TPTE2: variants seen among roughly 807,000 people sequenced by gnomAD.
TPTE2 encodes transmembrane phosphoinositide 3-phosphatase and tensin homolog 2, also known as phosphatidylinositol 3,4,5-trisphosphate 3-phosphatase TPTE2.
Under a neutral mutation model 78.6 loss-of-function variants are expected in TPTE2, and 53 were observed. The ratio of observed to expected loss-of-function variants is 0.67; its 90% CI spans 0.54 to 0.85. The LOEUF is 0.85. Among genes scored for constraint, TPTE2 ranks in the 40% least tolerant of loss-of-function variants. TPTE2 has a pLI of 0.00. For missense variants in TPTE2, 461 were observed against 623.0 expected (o/e 0.74, Z 2.77); for synonymous variants, 175 against 206.2 (o/e 0.85, Z 1.30).
chr13:19,444,133 C>T (rs1877674513), intron 13 of TPTE2, among the ~76,000 whole-genome samples: 1 of 150,744 alleles, frequency 6.6e-6, no homozygotes, highest in African/African-American at 2.4e-5. Context: ...AGCGAAACCC[C>T]ATCTCTACAA....
At chr13:19,491,498 T>C (rs1880985577) in intron 3 of TPTE2, among the ~76,000 whole-genome samples, 1 of 152,166 alleles carries the variant, frequency 6.6e-6, no homozygotes, top group Non-Finnish European at 1.5e-5. Flanking sequence ...AGAGATTAAT[T>C]AAATTTATAT....
At chr13:19,539,108 T>G (rs986293506), upstream of TPTE2, among the ~76,000 whole-genome samples, 2 of 152,174 alleles carry the variant, frequency 1.3e-5, no homozygotes, top group African/African-American at 4.8e-5. Flanking sequence ...TTAATCCATG[T>G]GTGGATTAAT....
intron 18 of TPTE2, 140 bp downstream of exon 21, chr13:19,426,285 T>C (rs779439925): frequency 1.5e-5 from 10 of 652,666 alleles, no homozygotes; most frequent in Non-Finnish European, 1.9e-5. Flanking sequence ...TACGCTCTTT[T>C]AAAAAAATTT....
At chr13:19,509,407 T>C (rs896303200) in intron 1 of TPTE2, among the ~76,000 whole-genome samples, 1 of 152,110 alleles carries the variant, frequency 6.6e-6, no homozygotes, top group Non-Finnish European at 1.5e-5. Context: ...ACAGAGTGAA[T>C]ATCCAAATAC....
At chr13:19,476,390 G>A (rs1219437358) in intron 4 of TPTE2, among the ~76,000 whole-genome samples, 2 of 150,330 alleles carry the variant, frequency 1.3e-5, no homozygotes, top group Non-Finnish European at 3.0e-5. Context: ...ACTTCAGTAG[G>A]AGAAGTCTTC....
chr13:19,483,588 T>A lies in TPTE2; in HGVS notation c.120-1041A>T, dbSNP rs147385463. 3.6e-3 allele frequency among the ~76,000 whole-genome samples: 542 copies of A among 152,292 alleles called. 1 individual carries two copies. The highest frequency in any genetic ancestry group is 6.7e-3 in the Non-Finnish European group (454 of 68,014). The stretch of plus-strand genomic sequence containing the variant: ...GTTTGTTGATATTTTTTAAACCTGC[T>A]TTTTGTTGTTAACCTTTTGTAATTT... On this transcript the variant is annotated intron_variant, in intron 3 of 19. Transcript: ENST00000400230.
exon 13 of TPTE2, chr13:19,450,090 C>T (rs754742341): frequency 1.6e-5 from 26 of 1,611,198 alleles, no homozygotes; most frequent in Non-Finnish European, 4.2e-6. Context: ...GCCTCCTTTA[C>T]AGTGAATCGC....
In TPTE2 at chr13:19,430,557, C is replaced by A. The variant is rs1388097385; in HGVS notation, c.1223-10G>T. 3 of 1,600,612 alleles carry A rather than the reference C, an allele frequency of 1.9e-6. No homozygotes were observed. Among genetic ancestry groups the A allele is most frequent in the Non-Finnish European group, 1.7e-6 (2 of 1,173,832 alleles). ...AGATCACATACATCACCTGTTCCAACAAAATGAAATTAAAAAGTTAGGTTG... is the reference window on the plus strand; with the variant it reads ...AGATCACATACATCACCTGTTCCAAAAAAATGAAATTAAAAAGTTAGGTTG... On this transcript the variant is annotated splice_polypyrimidine_tract_variant and intron_variant, in intron 16 of 19. Coordinates refer to ENST00000400230, the Ensembl canonical transcript of TPTE2.
At chr13:19,465,625 T>A in intron 7 of TPTE2, 61 bp from the exon 11 acceptor site, 1 of 1,376,758 alleles carries the variant, frequency 7.3e-7, no homozygotes, top group Non-Finnish European at 9.9e-7. Context: ...CAATATAAAC[T>A]ATGTCTAGAG....
Position 19,465,293 on chromosome 13 carries a change from G to T in TPTE2, c.638C>A (p.Thr213Lys), listed in dbSNP as rs748366957. ...GAGGTCTAGGTCAAATCCATCCCTT[G>T]TGTATCGCCTTTTGTTTTCTGAAAC... Residue 213 changes from threonine (T) to lysine (K), a missense_variant, in exon 9 of 20, where the codon ACA becomes AAA. Thr to Lys is a moderately conservative substitution (Grantham distance 78, BLOSUM62 -1). Coordinates refer to ENST00000400230, the Ensembl canonical transcript of TPTE2. 36 of 1,613,720 alleles carry T rather than the reference G, an allele frequency of 2.2e-5. No individual in the cohort carries two copies. Among genetic ancestry groups the T allele is most frequent in the Middle Eastern group, 1.6e-4 (1 of 6,074 alleles).
intron 9 of TPTE2, among the ~76,000 whole-genome samples, chr13:19,464,948 G>C (rs1226785590): frequency 2.0e-5 from 3 of 152,230 alleles, no homozygotes; most frequent in Non-Finnish European, 2.9e-5. Context: ...TCTAGGATGA[G>C]AAGAGGTCTC....
rs567905687 is a variant in TPTE2 at position 19,466,157 on chromosome 13, G to T, written c.513-593C>A. Among the ~76,000 whole-genome samples the T allele has an allele frequency of 7.2e-5, 11 of 152,252 alleles. No individual in the cohort carries two copies. The East Asian group carries it at 1.9e-3, about 27-fold the overall frequency. On this transcript the variant is annotated intron_variant, in intron 7 of 19. Transcript: ENST00000400230. ...CAGAGAACTGATGGTCTGGACTAGT[G>T]CTTCTCTGATTTGGGCACATGTCAA...
intron 10 of TPTE2, among the ~76,000 whole-genome samples, chr13:19,456,880 A>C (rs1281753501): frequency 6.6e-5 from 10 of 152,200 alleles, no homozygotes; most frequent in Admixed American, 6.5e-4. Flanking sequence ...GATAGTTTTT[A>C]AACAAAGAAG....
At chr13:19,549,066 G>C in the TPTE2 span, among the ~76,000 whole-genome samples, 1 of 150,676 alleles carries the variant, frequency 6.6e-6, no homozygotes, top group Non-Finnish European at 1.5e-5. Flanking sequence ...GATGCAGTGA[G>C]CTGAGATTGC....
At chr13:19,519,378 T>C (rs1009392547) in intron 1 of TPTE2, among the ~76,000 whole-genome samples, 1 of 152,222 alleles carries the variant, frequency 6.6e-6, no homozygotes, top group African/African-American at 2.4e-5. Context: ...ATAAAAAATG[T>C]ACACCTATGT....
Position 19,528,184 on chromosome 13 carries a change from C to T in TPTE2, c.-44+8412G>A, listed in dbSNP as rs150672584. 2.8e-4 allele frequency among the ~76,000 whole-genome samples: 43 copies of T among 151,506 alleles called. No individual in the cohort carries two copies. The East Asian group carries it at 8.2e-3, about 29-fold the overall frequency. ...ATTACCTGAGGTCAGGAGTTCGAGA[C>T]CAGCCTATCCTATGTGGTGAAACCC... On this transcript the variant is annotated intron_variant, in intron 1 of 17. Transcript: ENST00000390680.
At chr13:19,557,693 C>T in the TPTE2 span, among the ~76,000 whole-genome samples, 1 of 152,164 alleles carries the variant, frequency 6.6e-6, no homozygotes, top group Non-Finnish European at 1.5e-5. Context: ...ATGACTACCA[C>T]ATTCCTAAGC....
chr13:19,436,227 T>G, exon 15 of TPTE2: 1 of 1,609,696 alleles, frequency 6.2e-7, no homozygotes. Flanking sequence ...AAAACTTACC[T>G]GAGAAGGAGT....
At chr13:19,528,535 T>C (rs1305688353) in intron 1 of TPTE2, among the ~76,000 whole-genome samples, 2 of 152,224 alleles carry the variant, frequency 1.3e-5, no homozygotes, top group Admixed American at 1.3e-4. Context: ...TCTTAGCAGA[T>C]AGGGCCATGA....
Sources: gnomAD v4.1 joint callset for allele counts (sites outside exome capture counted in the v4.1 genomes callset) on GRCh38, gnomAD v4.1.1 for gene constraint, MANE v1.5 for transcripts, NCBI Gene and HGNC (gene_info 2026-07-23, HGNC 2026-07-21) for gene names.